RARS2: variants seen among roughly 807,000 people sequenced by gnomAD.
The protein encoded by RARS2 is probable arginine--tRNA ligase, mitochondrial.
RARS2 carries 67 observed loss-of-function variants against 88.5 expected under a neutral mutation model. That is an observed-to-expected ratio of 0.76 (90% CI 0.62 to 0.93). The LOEUF is 0.93. RARS2 is among the 40% of genes least tolerant of loss of function. RARS2 has a pLI of 0.00. For synonymous variants in RARS2, 239 were observed against 230.3 expected (o/e 1.04, Z -0.34); for missense variants, 664 against 684.2 (o/e 0.97, Z 0.33).
intron 18 of RARS2, 44 bp downstream of exon 18, chr6:87,516,762 C>A: frequency 6.2e-7 from 1 of 1,607,320 alleles, no homozygotes; most frequent in South Asian, 1.1e-5. Context: ...AAAGAAAGGT[C>A]TCAAATGCCA....
intron 10 of RARS2, among the ~76,000 whole-genome samples, chr6:87,527,408 T>G (rs1299115088): frequency 1.3e-5 from 2 of 152,160 alleles, no homozygotes; most frequent in East Asian, 3.9e-4. Flanking sequence ...TCTCTCACCA[T>G]GTACAAAAGT....
In RARS2 at chr6:87,549,312, C is replaced by T. The variant is rs183486929; in HGVS notation, c.396-666G>A. 1.1e-4 allele frequency among the ~76,000 whole-genome samples: 17 copies of T among 151,178 alleles called. No homozygotes were observed. In the East Asian group the frequency reaches 2.3e-3, roughly 21 times the overall value. On this transcript the variant is annotated intron_variant, in intron 5 of 19. Transcript: ENST00000369536. Reference sequence around the variant, plus strand: ...CGGAGGTTGCAGTGAGCCGAGATCACGACATTGTACTCTAGTCTGGGTGAT... The same window carrying T: ...CGGAGGTTGCAGTGAGCCGAGATCATGACATTGTACTCTAGTCTGGGTGAT...
At chr6:87,531,211 A>G (rs1315453586) in intron 8 of RARS2, among the ~76,000 whole-genome samples, 1 of 152,216 alleles carries the variant, frequency 6.6e-6, no homozygotes, top group Non-Finnish European at 1.5e-5. Flanking sequence ...GCCAAAAATT[A>G]ATTTGTGATA....
intron 4 of RARS2, among the ~76,000 whole-genome samples, chr6:87,560,007 G>C (rs549282743): frequency 1.3e-5 from 2 of 152,194 alleles, no homozygotes; most frequent in African/African-American, 4.8e-5. Context: ...GCCTAGGTCC[G>C]TGTAGTCGGT....
At chr6:87,585,440 A>C (rs1774843990) in intron 1 of RARS2, among the ~76,000 whole-genome samples, 1 of 152,226 alleles carries the variant, frequency 6.6e-6, no homozygotes, top group Non-Finnish European at 1.5e-5. Flanking sequence ...AGTTAGAAAT[A>C]AATTCCTTTG....
At chr6:87,518,392 G>A in intron 16 of RARS2, 128 bp from the exon 17 acceptor site, 3 of 1,539,002 alleles carry the variant, frequency 1.9e-6, no homozygotes, top group African/African-American at 1.4e-5. Flanking sequence ...ACACAGTGGA[G>A]GTAACAGTAT....
intron 18 of RARS2, among the ~76,000 whole-genome samples, chr6:87,516,299 T>C (rs1771713053): frequency 6.6e-6 from 1 of 152,222 alleles, no homozygotes; most frequent in Non-Finnish European, 1.5e-5. Flanking sequence ...AATCCCTGTA[T>C]GGACCCCACC....
Position 87,518,184 on chromosome 6 carries a change from A to G in RARS2, c.1496T>C (p.Leu499Pro), listed in dbSNP as rs778346983. The part of the protein sequence containing the change: ...CLQEPQSVSI[L>P]QHLLRFDEVL... ...AACATCATACCTGAGAAGATGCTGA[A>G]GAATTGAAACAGACTGTGGCTCTTG... Residue 499 changes from leucine to proline, a missense_variant, in exon 17 of 20, where the codon CTT becomes CCT. Physicochemically the swap from Leu to Pro is moderately conservative, Grantham distance 98. Coordinates refer to ENST00000369536, the MANE Select transcript of RARS2 (RefSeq NM_020320.5). 1.2e-6 allele frequency: 2 copies of G among 1,614,212 alleles called. No homozygotes were observed. The highest frequency in any genetic ancestry group is 1.7e-6 in the Non-Finnish European group (2 of 1,180,028).
At chr6:87,541,433 TC>T (rs2128105660) in intron 8 of RARS2, among the ~76,000 whole-genome samples, 1 of 152,134 alleles carries the variant, frequency 6.6e-6, no homozygotes, top group East Asian at 1.9e-4. Flanking sequence ...TGCCTTGGCC[TC>T]CCAAAGTGCT....
At chr6:87,581,237 G>C (rs1425022035) in intron 1 of RARS2, among the ~76,000 whole-genome samples, 4 of 152,100 alleles carry the variant, frequency 2.6e-5, no homozygotes. Flanking sequence ...AATGAAAAAG[G>C]GATCCATATC....
intron 1 of RARS2, among the ~76,000 whole-genome samples, chr6:87,587,939 G>GT (rs1184629892): frequency 2.6e-5 from 4 of 151,918 alleles, no homozygotes; most frequent in Non-Finnish European, 5.9e-5. Flanking sequence ...CCTAAGTTTT[G>GT]TTTTTTATTT....
intron 2 of RARS2, 84 bp downstream of exon 2, chr6:87,569,433 G>A (rs1768920126): frequency 9.7e-7 from 1 of 1,034,018 alleles, no homozygotes; most frequent in East Asian, 2.4e-5. Flanking sequence ...ACAAACTGAA[G>A]AGTAACAATT....
chr6:87,581,246 T>C (rs1773389601), intron 1 of RARS2, among the ~76,000 whole-genome samples: 1 of 152,136 alleles, frequency 6.6e-6, no homozygotes, highest in Admixed American at 6.6e-5. Context: ...GGGATCCATA[T>C]CTTTAGCAAC....
chr6:87,530,934 T>G lies in RARS2; in HGVS notation c.621A>C (p.Val207=). Residue 207 remains valine (V), a synonymous_variant, in exon 9 of 20, where the codon GTA becomes GTC. Coordinates refer to ENST00000369536, the MANE Select transcript of RARS2 (RefSeq NM_020320.5). ...NPLQHLFEVY[V]QVNKEAADDK... The stretch of plus-strand genomic sequence containing the variant: ...CATCTGCTGCTTCTTTATTAACTTG[T>G]ACATAAACCTAAAAGTACAATAGTA... 1 of 1,614,114 alleles carries G rather than the reference T, an allele frequency of 6.2e-7. No homozygotes were observed. The highest frequency in any genetic ancestry group is 8.5e-7 in the Non-Finnish European group (1 of 1,180,016).
chr6:87,520,384 C>G, intron 12 of RARS2, 128 bp from the exon 13 acceptor site: 1 of 731,036 alleles, frequency 1.4e-6, no homozygotes, highest in South Asian at 1.6e-5. Flanking sequence ...TATGTTTTAA[C>G]TAAACACAAA....
intron 8 of RARS2, among the ~76,000 whole-genome samples, chr6:87,533,322 T>A (rs1402539996): frequency 6.6e-6 from 1 of 152,146 alleles, no homozygotes; most frequent in African/African-American, 2.4e-5. Context: ...CAATATGTAC[T>A]TATAAAACAA....
At chr6:87,518,603 C>G (rs757736377) in intron 16 of RARS2, 27 bp downstream of exon 16, 1 of 1,585,058 alleles carries the variant, frequency 6.3e-7, no homozygotes, top group Admixed American at 1.7e-5. Flanking sequence ...CAGTGCAGCA[C>G]AAGGTTTCCC....
intron 5 of RARS2, among the ~76,000 whole-genome samples, chr6:87,549,778 CT>C (rs1277037940): frequency 5.3e-5 from 8 of 152,232 alleles, no homozygotes; most frequent in Admixed American, 5.2e-4. Context: ...CTCATATGTG[CT>C]TTTATCTTTT....
chr6:87,519,206 G>GTATATATATATATA (rs1351648306), intron 14 of RARS2: 1 of 272,162 alleles, frequency 3.7e-6, no homozygotes, highest in African/African-American at 2.5e-5. Context: ...GTGTGTGTGT[G>GTATATATATATATA]TGTATATATA....
Sources: gnomAD v4.1 joint callset for allele counts (sites outside exome capture counted in the v4.1 genomes callset) on GRCh38, gnomAD v4.1.1 for gene constraint, MANE v1.5 for transcripts, NCBI Gene and HGNC (gene_info 2026-07-23, HGNC 2026-07-21) for gene names.